The following BARX2 variants were observed in gnomAD, a reference collection of about 807,000 sequenced individuals.
The protein encoded by BARX2 is BARX homeobox 2, also known as homeobox protein BarH-like 2.
Under a neutral mutation model 25.5 loss-of-function variants are expected in BARX2, and 11 were observed. That is an observed-to-expected ratio of 0.43 (90% confidence interval 0.27 to 0.71). The LOEUF is 0.71. BARX2 is among the 30% of genes least tolerant of loss of function. The pLI is 0.19. For synonymous variants in BARX2, 137 were observed against 149.5 expected (o/e 0.92, Z 0.61); for missense variants, 360 against 359.9 (o/e 1.00, Z 0.00).
chr11:129,437,433 A>G, intron 2 of BARX2: 6 of 1,004,906 alleles, frequency 6.0e-6, no homozygotes, highest in Non-Finnish European at 7.1e-6. Context: ...ATTGGGATTC[A>G]TGATCTTCTC....
At position 129,433,763 on chromosome 11, in the gene BARX2, C is replaced by T. The variant is rs143146661; in HGVS notation, c.188-2988C>T. 1.6e-3 allele frequency among the ~76,000 whole-genome samples: 248 copies of T among 152,300 alleles called. 2 individuals carry two copies. Among genetic ancestry groups the T allele is most frequent in the African/African-American group, 5.7e-3 (237 of 41,560 alleles). On this transcript the variant is annotated intron_variant, in intron 1 of 3. Transcript: ENST00000281437. ...GACTCCTCATCCCCAATACTGCCCT[C>T]TGCCCCACCTGCCCCATCTTCACAC...
chr11:129,407,027 A>G (rs1861837401), intron 1 of BARX2, among the ~76,000 whole-genome samples: 2 of 152,192 alleles, frequency 1.3e-5, no homozygotes. Context: ...ATTCTAGGAT[A>G]TGTTGGGCAC....
At chr11:129,413,287 G>A (rs910625748) in intron 1 of BARX2, among the ~76,000 whole-genome samples, 10 of 152,170 alleles carry the variant, frequency 6.6e-5, no homozygotes, top group Non-Finnish European at 1.5e-4. Context: ...CAAAAGCCAC[G>A]CAAGTTACTA....
Position 129,449,354 on chromosome 11 carries a change from G to A in BARX2, c.574-1782G>A, listed in dbSNP as rs368604953. On this transcript the variant is annotated intron_variant, in intron 3 of 3. Transcript: ENST00000281437. The stretch of plus-strand genomic sequence containing the variant: ...GCTGGAAGTTTGATTCTTGGAGCAT[G>A]GAGTAATGGAGAGAAGCAGGGTTTG... Among the ~76,000 whole-genome samples the A allele has an allele frequency of 2.0e-5, 3 of 152,308 alleles. No homozygotes were observed. In the South Asian group the frequency reaches 6.2e-4, roughly 32 times the overall value.
chr11:129,430,571 A>C (rs1264749341), intron 1 of BARX2, among the ~76,000 whole-genome samples: 2 of 152,134 alleles, frequency 1.3e-5, no homozygotes, highest in Non-Finnish European at 2.9e-5. Context: ...CTATTTTGGT[A>C]GAAGAGCAAG....
chr11:129,444,237 A>AAC (rs1862297896), intron 3 of BARX2, among the ~76,000 whole-genome samples: 1 of 151,482 alleles, frequency 6.6e-6, no homozygotes, highest in Non-Finnish European at 1.5e-5. Flanking sequence ...AAAAAAAAAA[A>AAC]CAAAATAAGT....
chr11:129,445,179 G>C (rs906676272), intron 3 of BARX2, among the ~76,000 whole-genome samples: 1 of 152,148 alleles, frequency 6.6e-6, no homozygotes, highest in Non-Finnish European at 1.5e-5. Flanking sequence ...GAAGCACCCG[G>C]CCGTGTTCCC....
At chr11:129,399,365 TTC>T (rs148258067) in intron 1 of BARX2, among the ~76,000 whole-genome samples, 1 of 151,792 alleles carries the variant, frequency 6.6e-6, no homozygotes, top group Non-Finnish European at 1.5e-5. Context: ...TCTAGAGACC[TTC>T]TCTCTCTCTC....
At position 129,420,032 on chromosome 11, in the gene BARX2, C is replaced by T. The variant is rs574198915; in HGVS notation, c.188-16719C>T. On this transcript the variant is annotated intron_variant, in intron 1 of 3. Coordinates refer to ENST00000281437, the MANE Select transcript of BARX2 (RefSeq NM_003658.5). ...CTGACCTCAGGTGATCCGCCTGCAT[C>T]GGCCTCCCAAAGTGCTGGGATGAGC... Among the ~76,000 whole-genome samples the T allele has an allele frequency of 4.6e-5, 7 of 152,110 alleles. 1 individual carries two copies. The East Asian group carries it at 7.8e-4, about 17-fold the overall frequency.
intron 1 of BARX2, among the ~76,000 whole-genome samples, chr11:129,417,845 C>T (rs1219595882): frequency 2.0e-5 from 3 of 152,182 alleles, no homozygotes; most frequent in Non-Finnish European, 4.4e-5. Context: ...ATTACATTGT[C>T]ATTTTCGTAA....
chr11:129,423,086 A>C (rs892731646), intron 1 of BARX2, among the ~76,000 whole-genome samples: 12 of 150,908 alleles, frequency 8.0e-5, no homozygotes, highest in Non-Finnish European at 1.5e-4. Flanking sequence ...CAGGATTAGA[A>C]TGTGTAGGGA....
chr11:129,375,759 C>T (rs187434651), upstream of BARX2, among the ~76,000 whole-genome samples: 878 of 152,148 alleles, frequency 5.8e-3, 6 homozygotes, highest in Non-Finnish European at 1.0e-2. The surrounding 1 kb of genome is among the most constrained non-coding windows in gnomAD (Gnocchi z 4.0). Flanking sequence ...GGACGCCCCT[C>T]AGCACACACT....
chr11:129,375,697 G>A (rs1472815249), upstream of BARX2, among the ~76,000 whole-genome samples: 1 of 151,886 alleles, frequency 6.6e-6, no homozygotes, highest in Non-Finnish European at 1.5e-5. This position sits in a 1 kb window ranked among gnomAD's most constrained non-coding sequence, Gnocchi z 4.0. Context: ...CGGGCACTAG[G>A]CGCGCAGGTC....
chr11:129,423,679 T>A (rs1862032970), intron 1 of BARX2, among the ~76,000 whole-genome samples: 1 of 152,156 alleles, frequency 6.6e-6, no homozygotes, highest in South Asian at 2.1e-4. Context: ...TCATTGAATG[T>A]TTATCATTCT....
chr11:129,414,065 C>CAAAAAAAAAAAAAAAAAAA (rs879620964), intron 1 of BARX2, among the ~76,000 whole-genome samples: 51 of 133,140 alleles, frequency 3.8e-4, no homozygotes, highest in African/African-American at 1.4e-3. Flanking sequence ...GACTCCATCT[C>CAAAAAAAAAAAAAAAAAAA]AAAAAAAAAA....
chr11:129,423,159 C>G (rs1591440715), intron 1 of BARX2, among the ~76,000 whole-genome samples: 1 of 151,680 alleles, frequency 6.6e-6, no homozygotes, highest in South Asian at 2.1e-4. Flanking sequence ...CTCTGTCACC[C>G]AGGCTGGAGT....
intron 1 of BARX2, among the ~76,000 whole-genome samples, chr11:129,396,046 TC>T (rs1464951344): frequency 6.6e-6 from 1 of 152,072 alleles, no homozygotes; most frequent in East Asian, 1.9e-4. Context: ...AACCACCAGA[TC>T]CATCCGTCAG....
chr11:129,402,894 C>G (rs1242218427), intron 1 of BARX2, among the ~76,000 whole-genome samples: 2 of 152,188 alleles, frequency 1.3e-5, no homozygotes, highest in Non-Finnish European at 2.9e-5. Flanking sequence ...TAAAGTCTAT[C>G]ATAACATAAG....
intron 1 of BARX2, among the ~76,000 whole-genome samples, chr11:129,378,074 C>T (rs1861521985): frequency 6.6e-6 from 1 of 152,200 alleles, no homozygotes; most frequent in Non-Finnish European, 1.5e-5. Context: ...GCACGTATTT[C>T]ACAGACTTAA....
Sources: allele counts gnomAD v4.1 joint callset (sites outside exome capture counted in the v4.1 genomes callset), GRCh38; gene constraint gnomAD v4.1.1; non-coding constraint Gnocchi (gnomAD v3.1); transcripts MANE v1.5; gene names NCBI Gene and HGNC (gene_info 2026-07-23, HGNC 2026-07-21).